The following BCAS3 variants were observed in gnomAD, a reference collection of about 807,000 sequenced individuals.
BCAS3 encodes BCAS4/BCAS3 fusion.
Under a neutral mutation model 116.1 loss-of-function variants are expected in BCAS3, and 53 were observed. That is an observed-to-expected ratio of 0.46 (90% CI 0.37 to 0.57). The LOEUF is 0.57. Ranked by LOEUF, BCAS3 falls within the 20% of genes least tolerant of loss-of-function variation. BCAS3 has a pLI of 0.00. For missense variants in BCAS3, 917 were observed against 1,165.4 expected, an observed-to-expected ratio of 0.79 and a Z score of 3.10; for synonymous variants, 391 against 408.2, an observed-to-expected ratio of 0.96 and a Z score of 0.51.
In BCAS3 at chr17:61,300,751, T is replaced by G. The variant is rs922660554; in HGVS notation, c.2426-67576T>G. ...ACAGAAAGTTCAGAGAAGTTTTTAT[T>G]TCATATCTGATTAGCTTCAATTGAC... is the stretch of plus-strand genomic sequence containing the variant. On this transcript the variant is annotated intron_variant, in intron 22 of 23. Coordinates refer to ENST00000407086, the MANE Select transcript of BCAS3 (RefSeq NM_017679.5). The surrounding 1 kb of genome is among the most constrained non-coding windows in gnomAD (Gnocchi z 5.1). Among the ~76,000 whole-genome samples, 4 of 152,206 alleles carry G rather than the reference T, an allele frequency of 2.6e-5. No homozygotes were observed. The highest frequency in any genetic ancestry group is 7.2e-5 in the African/African-American group (3 of 41,442).
At position 61,084,241 on chromosome 17, in the gene BCAS3, T is replaced by A. The variant is rs2143536409; in HGVS notation, c.2328-226T>A. 6.6e-6 allele frequency among the ~76,000 whole-genome samples: 1 copy of A among 152,278 alleles called. No homozygotes were observed. Among genetic ancestry groups the A allele is most frequent in the South Asian group, 2.1e-4 (1 of 4,828 alleles). On this transcript the variant is annotated intron_variant, in intron 21 of 23. Transcript: ENST00000407086. This position sits in a 1 kb window ranked among gnomAD's most constrained non-coding sequence, Gnocchi z 5.5. ...GTCCCTTCCTTAAAAATCTATGGAATAACACACAAAGATAAGTTAGAAGGG... is the reference window on the plus strand; with the variant it reads ...GTCCCTTCCTTAAAAATCTATGGAAAAACACACAAAGATAAGTTAGAAGGG...
At chr17:60,713,242 C>T (rs777363652) in intron 5 of BCAS3, among the ~76,000 whole-genome samples, 19 of 152,138 alleles carry the variant, frequency 1.2e-4, no homozygotes, top group Admixed American at 2.6e-4. Context: ...TTTGGAATAT[C>T]GTTTTCTGAG....
chr17:60,861,552 C>T (rs552167934), intron 7 of BCAS3, among the ~76,000 whole-genome samples: 11 of 152,170 alleles, frequency 7.2e-5, no homozygotes, highest in African/African-American at 2.6e-4. Context: ...TGAGAGTAGG[C>T]GTCTTTGTCT....
At chr17:61,052,326 A>G (rs1294856835) in intron 19 of BCAS3, among the ~76,000 whole-genome samples, 2 of 151,990 alleles carry the variant, frequency 1.3e-5, no homozygotes, top group South Asian at 2.1e-4. Flanking sequence ...ATTTCATTCA[A>G]TGTATTTTAC....
chr17:61,077,138 A>T lies in BCAS3; in HGVS notation c.2131-1195A>T, dbSNP rs1312379226. On this transcript the variant is annotated intron_variant, in intron 20 of 23. Transcript: ENST00000407086. This position sits in a 1 kb window ranked among gnomAD's most constrained non-coding sequence, Gnocchi z 4.3. ...TCTCTCATTCGAGTTGATTATTTGTAAAAAAAAAAAAAAATCATGTAATAT... is the reference window on the plus strand; with the variant it reads ...TCTCTCATTCGAGTTGATTATTTGTTAAAAAAAAAAAAAATCATGTAATAT... Among the ~76,000 whole-genome samples, 1 of 83,050 alleles carries T rather than the reference A, an allele frequency of 1.2e-5. No individual in the cohort carries two copies. Among genetic ancestry groups the T allele is most frequent in the Non-Finnish European group, 2.2e-5 (1 of 46,078 alleles). The allele number at this position is 83,050 out of a possible 152,430, so 54.5% of individuals were successfully genotyped here.
chr17:61,306,472 A>C (rs1008559035), intron 22 of BCAS3, among the ~76,000 whole-genome samples: 2 of 152,216 alleles, frequency 1.3e-5, no homozygotes, highest in African/African-American at 4.8e-5. Context: ...ATTAATTTTT[A>C]AATATAATTC....
chr17:61,097,316 C>T lies in BCAS3; in HGVS notation c.2425+12752C>T, dbSNP rs2074041462. Among the ~76,000 whole-genome samples, 1 of 152,080 alleles carries T rather than the reference C, an allele frequency of 6.6e-6. No homozygotes were observed. Among genetic ancestry groups the T allele is most frequent in the Non-Finnish European group, 1.5e-5 (1 of 68,018 alleles). On this transcript the variant is annotated intron_variant, in intron 22 of 23. Coordinates refer to ENST00000407086, the MANE Select transcript of BCAS3 (RefSeq NM_017679.5). The surrounding 1 kb of genome is among the most constrained non-coding windows in gnomAD (Gnocchi z 4.0). The stretch of plus-strand genomic sequence containing the variant: ...GCCTCAGCCTCCCGAGTAGCTGGGA[C>T]TACAGGCGCCCGCCACCACGCCTGG...
At position 61,379,123 on chromosome 17, in the gene BCAS3, C is replaced by T. The variant is rs1317363733; in HGVS notation, c.2593+10629C>T. 2.6e-5 allele frequency: 4 copies of T among 152,336 alleles called. No individual in the cohort carries two copies. Among genetic ancestry groups the T allele is most frequent in the African/African-American group, 4.8e-5 (2 of 41,462 alleles). The allele number at this position is 152,336 out of a possible 1,614,324, so 9.4% of individuals were successfully genotyped here. On this transcript the variant is annotated intron_variant, in intron 23 of 23. Coordinates refer to ENST00000407086, the MANE Select transcript of BCAS3 (RefSeq NM_017679.5). This position sits in a 1 kb window ranked among gnomAD's most constrained non-coding sequence, Gnocchi z 5.5. ...TGGACCCCCAGAGCCAGGCTCTCCTCTGGAAGCATCAACATAGGTAAATGG... is the reference window on the plus strand; with the variant it reads ...TGGACCCCCAGAGCCAGGCTCTCCTTTGGAAGCATCAACATAGGTAAATGG...
At chr17:60,796,222 A>T (rs1471154802) in intron 6 of BCAS3, among the ~76,000 whole-genome samples, 1 of 152,130 alleles carries the variant, frequency 6.6e-6, no homozygotes, top group Non-Finnish European at 1.5e-5. Flanking sequence ...TGGTTTTGGT[A>T]TTAGGGTAAT....
chr17:60,702,403 G>A (rs1250934148), intron 4 of BCAS3, among the ~76,000 whole-genome samples: 3 of 152,028 alleles, frequency 2.0e-5, no homozygotes, highest in Admixed American at 6.6e-5. Flanking sequence ...TGAATACCAC[G>A]ATGGGACCCA....
intron 15 of BCAS3, among the ~76,000 whole-genome samples, chr17:60,997,276 T>A (rs1436480811): frequency 6.6e-6 from 1 of 152,212 alleles, no homozygotes; most frequent in African/African-American, 2.4e-5. Flanking sequence ...GTCCACCACC[T>A]GGGAGTTGGG....
At chr17:60,698,143 C>T (rs926892068) in intron 4 of BCAS3, among the ~76,000 whole-genome samples, 4 of 143,660 alleles carry the variant, frequency 2.8e-5, no homozygotes, top group Admixed American at 7.1e-5. Flanking sequence ...GAGATTGCAC[C>T]GCTGCACTGG....
At chr17:61,042,268 T>G (rs576715659) in intron 19 of BCAS3, among the ~76,000 whole-genome samples, 1 of 152,220 alleles carries the variant, frequency 6.6e-6, no homozygotes, top group African/African-American at 2.4e-5. Context: ...TAGTTGACTC[T>G]TTCAGAGTTA....
At chr17:60,811,550 G>A (rs762351353) in intron 7 of BCAS3, 26 of 359,908 alleles carry the variant, frequency 7.2e-5, no homozygotes, top group Non-Finnish European at 1.2e-4. Context: ...GAAATCTTAT[G>A]TGGTTGTCTC....
chr17:60,981,360 G>A (rs112322687), intron 14 of BCAS3, among the ~76,000 whole-genome samples: 2 of 151,650 alleles, frequency 1.3e-5, no homozygotes, highest in Non-Finnish European at 2.9e-5. Context: ...GCTCACTGCA[G>A]CCTCTGCCTC....
rs527710480 is a variant in BCAS3, at chr17:61,118,742, C to T, written c.2425+34178C>T. On this transcript the variant is annotated intron_variant, in intron 22 of 23. Transcript: ENST00000407086. This position sits in a 1 kb window ranked among gnomAD's most constrained non-coding sequence, Gnocchi z 5.0. Reference sequence around the variant, plus strand: ...GTTTTTTTTGGCAAGAGAGAGCAGCCTTTTGTTGTGACAAAAGCATAGACA... The same window carrying T: ...GTTTTTTTTGGCAAGAGAGAGCAGCTTTTTGTTGTGACAAAAGCATAGACA... Among the ~76,000 whole-genome samples the T allele has an allele frequency of 6.6e-6, 1 of 152,264 alleles. No homozygotes were observed. Among genetic ancestry groups the T allele is most frequent in the South Asian group, 2.1e-4 (1 of 4,826 alleles).
At chr17:60,936,884 T>C (rs1404861074) in intron 13 of BCAS3, among the ~76,000 whole-genome samples, 2 of 152,228 alleles carry the variant, frequency 1.3e-5, no homozygotes, top group Non-Finnish European at 2.9e-5. Context: ...TTTGTCAGTT[T>C]TGGCTTTTGT....
At chr17:60,957,677 C>T (rs2061210288) in intron 14 of BCAS3, among the ~76,000 whole-genome samples, 1 of 152,210 alleles carries the variant, frequency 6.6e-6, no homozygotes, top group African/African-American at 2.4e-5. Context: ...AGTCACTCCT[C>T]ATTCCTGTTT....
At position 61,198,479 on chromosome 17, in the gene BCAS3, T is replaced by G. The variant is rs535329145; in HGVS notation, c.2425+113915T>G. On this transcript the variant is annotated intron_variant, in intron 22 of 23. Transcript: ENST00000407086. This position sits in a 1 kb window ranked among gnomAD's most constrained non-coding sequence, Gnocchi z 5.0. ...TCAAATAATTCATTAATTTAAGTAT[T>G]TTCTTCTATAATAGCTACAACAATT... Among the ~76,000 whole-genome samples the G allele has an allele frequency of 2.0e-5, 3 of 152,312 alleles. No homozygotes were observed. The East Asian group carries it at 5.8e-4, about 29-fold the overall frequency.
Sources: gnomAD v4.1 joint callset for allele counts (sites outside exome capture counted in the v4.1 genomes callset) on GRCh38, gnomAD v4.1.1 for gene constraint, Gnocchi (gnomAD v3.1) non-coding constraint, MANE v1.5 for transcripts, NCBI Gene and HGNC (gene_info 2026-07-23, HGNC 2026-07-21) for gene names.